ARSK: variants seen among roughly 807,000 people sequenced by gnomAD.
ARSK encodes arylsulfatase family member K.
A neutral mutation model predicts 53.2 loss-of-function variants in ARSK; 37 were observed. That is an observed-to-expected ratio of 0.70 (90% CI 0.54 to 0.92). ARSK has a LOEUF of 0.92. Among genes scored for constraint, ARSK ranks in the 40% least tolerant of loss-of-function variants. ARSK has a pLI of 0.00. For missense variants in ARSK, 613 were observed against 643.0 expected, an observed-to-expected ratio of 0.95 and a Z score of 0.51; for synonymous variants, 208 against 223.2, an observed-to-expected ratio of 0.93 and a Z score of 0.61.
rs377001322 is a variant in ARSK, at chr5:95,561,309, C to G, written c.127-4689C>G. The stretch of plus-strand genomic sequence containing the variant: ...ATGTGGAGGAATTGCAACCCATACC[C>G]TGCTGGTAGGATCACGCAGCCATTG... On this transcript the variant is annotated intron_variant, in intron 1 of 7. Coordinates refer to ENST00000380009, the MANE Select transcript of ARSK (RefSeq NM_198150.3). Among the ~76,000 whole-genome samples, 143 of 152,340 alleles carry G rather than the reference C, an allele frequency of 9.4e-4. 2 individuals carry two copies. Among genetic ancestry groups the G allele is most frequent in the South Asian group, 1.9e-3 (9 of 4,828 alleles).
intron 1 of ARSK, among the ~76,000 whole-genome samples, chr5:95,562,569 A>G (rs1364115187): frequency 6.6e-6 from 1 of 152,214 alleles, no homozygotes; most frequent in South Asian, 2.1e-4. Context: ...ATGGCCCATA[A>G]TGATAAGGAA....
chr5:95,595,723 G>A (rs1749298016), intron 6 of ARSK, among the ~76,000 whole-genome samples: 2 of 152,054 alleles, frequency 1.3e-5, no homozygotes, highest in Non-Finnish European at 1.5e-5. Context: ...AAACTGTTGG[G>A]CACTATGCCC....
intron 6 of ARSK, among the ~76,000 whole-genome samples, chr5:95,595,132 G>A (rs542256486): frequency 3.0e-4 from 46 of 152,262 alleles, no homozygotes; most frequent in African/African-American, 1.0e-3. Flanking sequence ...ACCACAATGA[G>A]ATAGCATCTC....
chr5:95,561,108 C>T (rs947566427), intron 1 of ARSK, among the ~76,000 whole-genome samples: 7 of 152,120 alleles, frequency 4.6e-5, no homozygotes, highest in African/African-American at 1.4e-4. Context: ...CATGCCCGGC[C>T]AAAAGATCTT....
rs897451234 is a variant in ARSK at position 95,603,631 on chromosome 5, C to T, written c.*105C>T. The T allele has an allele frequency of 7.3e-6, 8 of 1,090,514 alleles. No individual in the cohort carries two copies. The highest frequency in any genetic ancestry group is 6.5e-5 in the African/African-American group (4 of 61,744). The allele number at this position is 1,090,514 out of a possible 1,614,324, so 67.6% of individuals were successfully genotyped here. On this transcript the variant is annotated 3_prime_UTR_variant, in exon 8 of 8. Coordinates refer to ENST00000380009, the MANE Select transcript of ARSK (RefSeq NM_198150.3). ...GTTTTAATAATTACCAAGTTTTGGC[C>T]GGGCACAGTGGCTCACACCTGTAAT...
intron 3 of ARSK, among the ~76,000 whole-genome samples, chr5:95,572,494 T>C (rs1328550486): frequency 1.3e-5 from 2 of 152,182 alleles, no homozygotes; most frequent in African/African-American, 2.4e-5. Flanking sequence ...AAGAAAACAT[T>C]TGGGCCGGGC....
chr5:95,556,319 T>G (rs1437485825), intron 1 of ARSK: 15 of 688,964 alleles, frequency 2.2e-5, no homozygotes, highest in Non-Finnish European at 1.3e-5. Flanking sequence ...TACTGGAAAT[T>G]GACTAGATGG....
intron 6 of ARSK, among the ~76,000 whole-genome samples, chr5:95,595,059 A>G (rs1451499090): frequency 6.6e-6 from 1 of 152,190 alleles, no homozygotes; most frequent in Non-Finnish European, 1.5e-5. Context: ...AAGAATTAGA[A>G]ACAATATGAA....
intron 2 of ARSK, among the ~76,000 whole-genome samples, chr5:95,567,492 A>G (rs1748744029): frequency 6.6e-6 from 1 of 152,240 alleles, no homozygotes; most frequent in African/African-American, 2.4e-5. Flanking sequence ...ACAGGGAATA[A>G]GGGAAGATCC....
chr5:95,587,477 C>T (rs996299273), intron 5 of ARSK, among the ~76,000 whole-genome samples: 21 of 151,900 alleles, frequency 1.4e-4, no homozygotes, highest in Admixed American at 1.2e-3. Context: ...CTCTTCTGTA[C>T]AGAGTAAACT....
intron 5 of ARSK, among the ~76,000 whole-genome samples, chr5:95,588,974 CA>C (rs890052335): frequency 1.0e-4 from 14 of 134,496 alleles, no homozygotes; most frequent in South Asian, 4.6e-4. Flanking sequence ...AACAAACAAA[CA>C]AAAAAAAAAT....
intron 3 of ARSK, among the ~76,000 whole-genome samples, chr5:95,576,115 T>G (rs1748919856): frequency 6.6e-6 from 1 of 152,076 alleles, no homozygotes; most frequent in African/African-American, 2.4e-5. Flanking sequence ...TGAATTTTAT[T>G]AAAAGCTTTT....
intron 1 of ARSK, among the ~76,000 whole-genome samples, chr5:95,559,033 CG>C (rs1748581705): frequency 1.3e-5 from 2 of 152,030 alleles, no homozygotes; most frequent in Non-Finnish European, 2.9e-5. Flanking sequence ...CCCAGCTACT[CG>C]GGAGGCTGAG....
At chr5:95,559,770 T>C (rs797001738) in intron 1 of ARSK, among the ~76,000 whole-genome samples, 4 of 152,282 alleles carry the variant, frequency 2.6e-5, no homozygotes, top group African/African-American at 9.6e-5. Context: ...AAAAATCAGT[T>C]TTCTGACTAA....
chr5:95,570,874 C>T lies in ARSK; in HGVS notation c.416+2825C>T, dbSNP rs562315821. On this transcript the variant is annotated intron_variant, in intron 3 of 7. Coordinates refer to ENST00000380009, the MANE Select transcript of ARSK (RefSeq NM_198150.3). ...TTGGCTCGCTGCAACCTCCGCCTCC[C>T]GGGTTCCAGCGATTCTCCTGCCTCA... Among the ~76,000 whole-genome samples the T allele has an allele frequency of 7.2e-5, 11 of 152,086 alleles. No homozygotes were observed. The South Asian group carries it at 8.3e-4, about 11-fold the overall frequency.
Position 95,591,528 on chromosome 5 carries a change from T to G in ARSK, c.999T>G (p.Ser333Arg). The G allele has an allele frequency of 6.2e-7, 1 of 1,614,128 alleles. No homozygotes were observed. Among genetic ancestry groups the G allele is most frequent in the Non-Finnish European group, 8.5e-7 (1 of 1,180,000 alleles). ...QFYKMSMYEA[S>R]AHVPLLMMGP... Reference sequence around the variant, plus strand: ...ATAAAATGAGCATGTACGAGGCTAGTGCACATGTTCCGCTTTTGATGATGG... The same window carrying G: ...ATAAAATGAGCATGTACGAGGCTAGGGCACATGTTCCGCTTTTGATGATGG... The change falls in exon 6 of 8, where the codon AGT (serine) becomes AGG (arginine). Residue 333 changes from serine to arginine, a missense_variant. Physicochemically the swap from Ser to Arg is moderately radical, Grantham distance 110 (BLOSUM62 -1). Transcript: ENST00000380009.
In ARSK at chr5:95,583,050, T is replaced by G; in HGVS notation, c.551T>G (p.Val184Gly). ...ERDWQNTDKA[V>G]NWLRKEAINY... is the part of the protein sequence containing the mutation. ...GATTGGCAGAATACAGACAAAGCAGTAAACTGGTTAAGAAAGGAAGCAATT... is the reference window on the plus strand; with the variant it reads ...GATTGGCAGAATACAGACAAAGCAGGAAACTGGTTAAGAAAGGAAGCAATT... Residue 184 changes from valine to glycine, a missense_variant, in exon 4 of 8, where the codon GTA becomes GGA. Coordinates refer to ENST00000380009, the MANE Select transcript of ARSK (RefSeq NM_198150.3). 6.2e-7 allele frequency: 1 copy of G among 1,613,848 alleles called. No homozygotes were observed. The highest frequency in any genetic ancestry group is 8.5e-7 in the Non-Finnish European group (1 of 1,179,780).
chr5:95,564,118 C>T (rs1170864972), intron 1 of ARSK, among the ~76,000 whole-genome samples: 1 of 151,912 alleles, frequency 6.6e-6, no homozygotes, highest in Non-Finnish European at 1.5e-5. Context: ...GCTGGGATCA[C>T]AGGCACCTGC....
chr5:95,584,781 C>T (rs190078791), intron 4 of ARSK, among the ~76,000 whole-genome samples: 256 of 152,178 alleles, frequency 1.7e-3, no homozygotes, highest in African/African-American at 5.9e-3. Flanking sequence ...AAAGCTGAGG[C>T]GGGTGGATCA....
Sources: allele counts gnomAD v4.1 joint callset (sites outside exome capture counted in the v4.1 genomes callset), GRCh38; gene constraint gnomAD v4.1.1; transcripts MANE v1.5; gene names NCBI Gene and HGNC (gene_info 2026-07-23, HGNC 2026-07-21).